Variants in SLC19A1 observed in about 807,000 individuals in gnomAD.
SLC19A1 encodes the protein solute carrier family 19 member 1, also known as reduced folate transporter.
A neutral mutation model predicts 35.3 loss-of-function variants in SLC19A1; 37 were observed. The observed-to-expected ratio is 1.05, with a 90% CI of 0.81 to 1.38. The LOEUF is 1.38. Ranked by LOEUF, SLC19A1 falls within the 40% of genes most tolerant of loss-of-function variation. SLC19A1 has a pLI of 0.00. For synonymous variants in SLC19A1, 460 were observed against 398.5 expected, an observed-to-expected ratio of 1.15 and a Z score of -1.84; for missense variants, 831 against 826.9, an observed-to-expected ratio of 1.00 and a Z score of -0.06.
At position 45,542,396 on chromosome 21, in the gene SLC19A1, G is replaced by A. The variant is rs866366407; in HGVS notation, c.-78C>T. On this transcript the variant is annotated 5_prime_UTR_variant, in exon 1 of 6. Transcript: ENST00000311124. ...CGACTCGGCGGGGCGGCTGCCCTGG[G>A]GCTCCCGGACCCGGCCCCGCGCACG... The A allele has an allele frequency of 6.6e-6, 1 of 151,564 alleles. No individual in the cohort carries two copies. The highest frequency in any genetic ancestry group is 1.9e-4 in the East Asian group (1 of 5,146). 9.4% of individuals were successfully genotyped at this position (151,564 alleles called of 1,614,324 possible). A position where few individuals can be genotyped will look rare whatever the true frequency, so the allele number is the denominator to read the frequency against.
chr21:45,507,590 G>A (rs766600640), downstream of SLC19A1: 2 of 1,612,970 alleles, frequency 1.2e-6, no homozygotes, highest in Admixed American at 1.7e-5. Flanking sequence ...TCCCACGAGG[G>A]ACGGTAAGGA....
rs764888590 is a variant in SLC19A1, at chr21:45,532,089, C to T, written c.249G>A (p.Val83=). 1.2e-6 allele frequency: 2 copies of T among 1,612,170 alleles called. No homozygotes were observed. Among genetic ancestry groups the T allele is most frequent in the Non-Finnish European group, 8.5e-7 (1 of 1,179,318 alleles). ...SYSYLAVLVP[V]FLLTDYLRYT... ...AGCGCAGGTAGTCGGTGAGCAGGAA[C>T]ACGGGCACCAGCACGGCCAGGTAGG... is the stretch of plus-strand genomic sequence containing the variant. The change falls in exon 3 of 6, where the codon GTG becomes GTA. Residue 83 remains valine (V), a synonymous_variant. Transcript: ENST00000311124.
upstream of SLC19A1, among the ~76,000 whole-genome samples, chr21:45,548,699 T>A (rs1468073567): frequency 6.6e-6 from 1 of 151,976 alleles, no homozygotes; most frequent in Admixed American, 6.6e-5. Context: ...AGCCGAGAGC[T>A]CACCTCTGCA....
chr21:45,556,022 C>T (rs1402008742), intron 1 of SLC19A1, among the ~76,000 whole-genome samples: 1 of 152,204 alleles, frequency 6.6e-6, no homozygotes, highest in African/African-American at 2.4e-5. Flanking sequence ...CGCCCTAATC[C>T]TCTGAAGGTC....
rs774603464 is a variant in SLC19A1, at chr21:45,537,724, GCCCA to G, written c.189+43_189+46del. The G allele has an allele frequency of 2.9e-4, 40 of 136,518 alleles. 1 individual carries two copies. The highest frequency in any genetic ancestry group is 3.2e-4 in the East Asian group (2 of 6,154). 8.5% of individuals were successfully genotyped at this position (136,518 alleles called of 1,614,324 possible). The stretch of plus-strand genomic sequence containing the variant: ...GTGCCTATTCCAGACGCTGCTCCCC[GCCCA>G]CCCACCCACAGGCGGCCGCCCGGCA... On this transcript the variant is annotated intron_variant, in intron 2 of 5. Transcript: ENST00000311124.
intron 1 of SLC19A1, among the ~76,000 whole-genome samples, chr21:45,562,200 G>C (rs990180937): frequency 6.7e-6 from 1 of 150,052 alleles, no homozygotes; most frequent in African/African-American, 2.5e-5. Flanking sequence ...TTAATCTTAA[G>C]ACAGTTATCA....
intron 1 of SLC19A1, among the ~76,000 whole-genome samples, chr21:45,560,145 C>A (rs961183533): frequency 6.6e-6 from 1 of 152,154 alleles, no homozygotes; most frequent in African/African-American, 2.4e-5. Context: ...AACCGTGCAG[C>A]CTTCCTGGGG....
intron 1 of SLC19A1, among the ~76,000 whole-genome samples, chr21:45,552,719 C>T (rs2078478780): frequency 1.3e-5 from 2 of 151,922 alleles, no homozygotes; most frequent in African/African-American, 4.8e-5. Context: ...CTCATCCTGG[C>T]CCTGGGTGTG....
chr21:45,522,494 C>T (rs1030272954), intron 5 of SLC19A1, among the ~76,000 whole-genome samples: 23 of 152,130 alleles, frequency 1.5e-4, no homozygotes, highest in Non-Finnish European at 2.9e-5. Context: ...CACTTCTGGG[C>T]GTCTGTCCCA....
At position 45,534,530 on chromosome 21, in the gene SLC19A1, T is replaced by C; in HGVS notation, c.190-2382A>G. The C allele has an allele frequency of 6.5e-7, 1 of 1,534,546 alleles. No individual in the cohort carries two copies. Among genetic ancestry groups the C allele is most frequent in the Non-Finnish European group, 8.7e-7 (1 of 1,145,874 alleles). On this transcript the variant is annotated intron_variant, in intron 2 of 5. Coordinates refer to ENST00000311124, the MANE Select transcript of SLC19A1 (RefSeq NM_194255.4). This position sits in a 1 kb window ranked among gnomAD's most constrained non-coding sequence, Gnocchi z 4.2. ...AGGGCGGCCAGGGGTCCTAGAAGCC[T>C]CACCCACCTCCGAATGAATGGAGCA...
At chr21:45,503,163 T>C (rs944172155) in intron 3 of SLC19A1, among the ~76,000 whole-genome samples, 2 of 152,222 alleles carry the variant, frequency 1.3e-5, no homozygotes, top group African/African-American at 4.8e-5. Flanking sequence ...TCCACAATGG[T>C]TGAACTAGTT....
chr21:45,523,100 C>G (rs187459145), intron 5 of SLC19A1, among the ~76,000 whole-genome samples: 53 of 152,268 alleles, frequency 3.5e-4, no homozygotes, highest in Admixed American at 1.0e-3. Flanking sequence ...TGTCTGTCCC[C>G]CCATGCTCCA....
Position 45,504,056 on chromosome 21 carries a change from T to C in SLC19A1, c.498-5444A>G. 6.2e-7 allele frequency: 1 copy of C among 1,613,572 alleles called. No homozygotes were observed. The highest frequency in any genetic ancestry group is 8.5e-7 in the Non-Finnish European group (1 of 1,179,958). ...CTTCAGTTGGAGGCTGAAATGAAGG[T>C]GGGTGACCTCCCTGTGGGGTTGGGG... On this transcript the variant is annotated intron_variant, in intron 3 of 4. Coordinates refer to the SLC19A1 transcript ENST00000417954.
Position 45,515,337 on chromosome 21 carries a change from G to A in SLC19A1, c.*321C>T, listed in dbSNP as rs2037846016. The A allele has an allele frequency of 6.9e-7, 1 of 1,442,798 alleles. No homozygotes were observed. Among genetic ancestry groups the A allele is most frequent in the South Asian group, 1.5e-5 (1 of 67,084 alleles). The allele number at this position is 1,442,798 out of a possible 1,614,324, so 89.4% of individuals were successfully genotyped here. On this transcript the variant is annotated 3_prime_UTR_variant, in exon 6 of 6. Coordinates refer to ENST00000311124, the MANE Select transcript of SLC19A1 (RefSeq NM_194255.4). ...CAAGAGGCCACTTCACTAGCCCTGG[G>A]GGGCAGAAAGGATTTGTCTCAAGCC...
At chr21:45,505,095 A>G in intron 3 of SLC19A1, 1 of 1,598,446 alleles carries the variant, frequency 6.3e-7, no homozygotes, top group Non-Finnish European at 8.5e-7. Context: ...AGTCCAGGGC[A>G]CGAGGTAACC....
downstream of SLC19A1, among the ~76,000 whole-genome samples, chr21:45,509,179 G>T (rs1460913555): frequency 6.6e-6 from 1 of 152,060 alleles, no homozygotes; most frequent in Non-Finnish European, 1.5e-5. Context: ...CGGCAGGCAG[G>T]ACTCCCCACC....
chr21:45,526,082 C>A, intron 4 of SLC19A1, 124 bp from the exon 5 acceptor site: 2 of 997,348 alleles, frequency 2.0e-6, no homozygotes, highest in East Asian at 2.5e-5. Flanking sequence ...TCCCAGGGCA[C>A]GCACAAGCCC....
intron 1 of SLC19A1, among the ~76,000 whole-genome samples, chr21:45,555,533 G>A (rs2078551474): frequency 1.4e-5 from 2 of 145,240 alleles, no homozygotes; most frequent in East Asian, 2.1e-4. Context: ...GAGGTGCAGG[G>A]GGCGGCGGCG....
At chr21:45,532,218 C>G (rs1450180690) in intron 2 of SLC19A1, 70 bp from the exon 3 acceptor site, 10 of 1,338,614 alleles carry the variant, frequency 7.5e-6, no homozygotes, top group Middle Eastern at 3.8e-4. Context: ...ACAGCCCGCC[C>G]GAGGTGATGG....
Sources: allele counts gnomAD v4.1 joint callset (sites outside exome capture counted in the v4.1 genomes callset), GRCh38; gene constraint gnomAD v4.1.1; non-coding constraint Gnocchi (gnomAD v3.1); transcripts MANE v1.5; gene names NCBI Gene and HGNC (gene_info 2026-07-23, HGNC 2026-07-21).